The following HMCN1 variants were observed in gnomAD, a reference collection of about 807,000 sequenced individuals.
The protein encoded by HMCN1 is hemicentin-1.
Under a neutral mutation model 625.9 loss-of-function variants are expected in HMCN1, and 321 were observed. The ratio of observed to expected loss-of-function variants is 0.51; its 90% CI spans 0.47 to 0.56. The LOEUF is 0.56. Among genes scored for constraint, HMCN1 ranks in the 20% least tolerant of loss-of-function variants. The pLI is 0.00. For synonymous variants in HMCN1, 2,425 were observed against 2,417.6 expected, an observed-to-expected ratio of 1.00 and a Z score of -0.09; for missense variants, 6,588 against 6,887.3, an observed-to-expected ratio of 0.96 and a Z score of 1.54.
In HMCN1 at chr1:186,128,401, T is replaced by C. The variant is rs1037008862; in HGVS notation, c.12904+110T>C. On this transcript the variant is annotated intron_variant, in intron 83 of 106. Coordinates refer to ENST00000271588, the MANE Select transcript of HMCN1 (RefSeq NM_031935.3). ...TGAAAAGTAACAAGAATTGATTGCT[T>C]TAAATGCTGTAAAATGTGTGCCTCT... is the stretch of plus-strand genomic sequence containing the variant. 5 of 863,614 alleles carry C rather than the reference T, an allele frequency of 5.8e-6. No homozygotes were observed. The Admixed American group carries it at 7.9e-5, about 14-fold the overall frequency. 53.5% of individuals were successfully genotyped at this position (863,614 alleles called of 1,614,324 possible). A position where few individuals can be genotyped will look rare whatever the true frequency, so the allele number is the denominator to read the frequency against.
chr1:185,845,981 C>A (rs752621121), intron 1 of HMCN1, 45 bp from the exon 2 acceptor site: 5 of 1,216,406 alleles, frequency 4.1e-6, no homozygotes, highest in Admixed American at 1.7e-5. Flanking sequence ...GTCTTTAATG[C>A]CATTGATTAC....
intron 97 of HMCN1, 79 bp downstream of exon 97, chr1:186,154,066 G>A (rs2102582512): frequency 9.2e-7 from 1 of 1,086,304 alleles, no homozygotes; most frequent in Non-Finnish European, 1.4e-6. Context: ...AGGACATTGA[G>A]GCCTACATCT....
At chr1:186,163,474 A>G (rs1219410718) in intron 97 of HMCN1, among the ~76,000 whole-genome samples, 1 of 152,140 alleles carries the variant, frequency 6.6e-6, no homozygotes, top group Non-Finnish European at 1.5e-5. Flanking sequence ...TCAGATGGAA[A>G]TGAGGAAATC....
At chr1:185,968,262 T>C (rs1221653464) in intron 14 of HMCN1, among the ~76,000 whole-genome samples, 1 of 152,072 alleles carries the variant, frequency 6.6e-6, no homozygotes, top group East Asian at 1.9e-4. Flanking sequence ...ATAGAGTCAG[T>C]GGAGAAGCAA....
At chr1:185,972,707 T>C (rs1650916463) in intron 15 of HMCN1, among the ~76,000 whole-genome samples, 1 of 152,148 alleles carries the variant, frequency 6.6e-6, no homozygotes. Flanking sequence ...CTGTTAGATC[T>C]TTCTCTTTGT....
At position 186,128,418 on chromosome 1, in the gene HMCN1, T is replaced by A. The variant is rs1661755977; in HGVS notation, c.12904+127T>A. 4 of 774,036 alleles carry A rather than the reference T, an allele frequency of 5.2e-6. No homozygotes were observed. The Admixed American group carries it at 8.3e-5, about 16-fold the overall frequency. 47.9% of individuals were successfully genotyped at this position (774,036 alleles called of 1,614,324 possible). ...TGATTGCTTTAAATGCTGTAAAATG[T>A]GTGCCTCTGCTTGGATTTTACCCTC... On this transcript the variant is annotated intron_variant, in intron 83 of 106. Coordinates refer to ENST00000271588, the MANE Select transcript of HMCN1 (RefSeq NM_031935.3).
At chr1:185,855,813 T>C (rs547433955) in intron 2 of HMCN1, among the ~76,000 whole-genome samples, 30 of 152,328 alleles carry the variant, frequency 2.0e-4, no homozygotes, top group Admixed American at 3.3e-4. Context: ...GGAATTGTGG[T>C]CAGCAGTTCT....
intron 46 of HMCN1, among the ~76,000 whole-genome samples, chr1:186,057,676 G>T (rs180971739): frequency 9.7e-4 from 147 of 152,078 alleles, no homozygotes; most frequent in African/African-American, 3.4e-3. Flanking sequence ...TCATGCTACA[G>T]TGAGCATCCA....
Position 185,933,735 on chromosome 1 carries a change from G to A in HMCN1, c.1739G>A (p.Ser580Asn), listed in dbSNP as rs533744681. Residue 580 changes from serine (S) to asparagine (N), a missense_variant, in exon 11 of 107, where the codon AGT becomes AAT. Coordinates refer to ENST00000271588, the MANE Select transcript of HMCN1 (RefSeq NM_031935.3). ...TLANLSLELK[S>N]VKFNDAGEYH... ...GCTAATCTGTCATTGGAGCTAAAGA[G>A]TGTGAAATTCAACGATGCTGGAGAG... is the stretch of plus-strand genomic sequence containing the variant. 6.2e-7 allele frequency: 1 copy of A among 1,613,934 alleles called. No individual in the cohort carries two copies. The highest frequency in any genetic ancestry group is 1.7e-5 in the Admixed American group (1 of 59,998).
chr1:185,846,383 A>G (rs1661815437), intron 2 of HMCN1, among the ~76,000 whole-genome samples: 1 of 152,162 alleles, frequency 6.6e-6, no homozygotes, highest in Admixed American at 6.6e-5. Flanking sequence ...TTAAGGAAAA[A>G]GTTTGCTGAC....
intron 4 of HMCN1, among the ~76,000 whole-genome samples, chr1:185,887,718 T>C (rs1345524005): frequency 2.1e-5 from 3 of 142,386 alleles, no homozygotes; most frequent in Admixed American, 1.4e-4. Context: ...TGTTGGACAT[T>C]TGGGTTGGTT....
intron 44 of HMCN1, 117 bp from the exon 45 acceptor site, chr1:186,055,276 T>C: frequency 2.1e-6 from 2 of 946,530 alleles, no homozygotes; most frequent in South Asian, 2.9e-5. Context: ...GTCTTTTCTT[T>C]AGTTATTTAT....
At chr1:185,814,736 G>A (rs1183924155) in intron 1 of HMCN1, among the ~76,000 whole-genome samples, 1 of 148,228 alleles carries the variant, frequency 6.7e-6, no homozygotes, top group Non-Finnish European at 1.5e-5. Context: ...CTGTAGCCCA[G>A]GCTGGAGTGC....
chr1:185,850,883 C>T (rs1015014087), intron 2 of HMCN1, among the ~76,000 whole-genome samples: 5 of 151,960 alleles, frequency 3.3e-5, no homozygotes, highest in Non-Finnish European at 7.4e-5. Flanking sequence ...CTTCATTCAA[C>T]ATTAAGCATT....
chr1:186,057,313 T>G lies in HMCN1; in HGVS notation c.7224T>G (p.Cys2408Trp). The change falls in exon 46 of 107, where the codon TGT (cysteine) becomes TGG (tryptophan). Residue 2408 changes from cysteine to tryptophan, a missense_variant. By Grantham distance (215) the Cys-to-Trp change is radical (BLOSUM62 -2). Around this residue, in one of 3 missense-constraint regions of HMCN1, gnomAD observed 4,628 missense variants for 4,853.1 expected, o/e 0.95. Transcript: ENST00000271588. ...VVEKNSVSLT[C>W]EASGIPLPSI... ...AAAAGAACTCAGTATCTTTGACTTG[T>G]GAAGCTTCTGGAATTCCCCTGCCTT... 6.2e-7 allele frequency: 1 copy of G among 1,610,366 alleles called. No individual in the cohort carries two copies. Among genetic ancestry groups the G allele is most frequent in the Non-Finnish European group, 8.5e-7 (1 of 1,176,972 alleles).
chr1:185,859,019 A>ATGTGTGTGTGTGTG (rs71101981), intron 2 of HMCN1, among the ~76,000 whole-genome samples: 1 of 139,912 alleles, frequency 7.1e-6, no homozygotes, highest in Non-Finnish European at 1.5e-5. Context: ...TGGGTTAAAG[A>ATGTGTGTGTGTGTG]TGTGTGTGTG....
In HMCN1 at chr1:186,045,738, C is replaced by G; in HGVS notation, c.6355C>G (p.Gln2119Glu). The G allele has an allele frequency of 6.2e-7, 1 of 1,613,286 alleles. No homozygotes were observed. The highest frequency in any genetic ancestry group is 8.5e-7 in the Non-Finnish European group (1 of 1,179,388). ...ACAGAATGTCTCTGTCCTCATTAGC[C>G]AAGCTGTGGAATTACTATGTCAAAG... is the stretch of plus-strand genomic sequence containing the variant. Reference protein sequence around the residue: ...EEQNVSVLISQAVELLCQSDA... With the variant: ...EEQNVSVLISEAVELLCQSDA... The change falls in exon 41 of 107, where the codon CAA (glutamine) becomes GAA (glutamate). Residue 2119 changes from glutamine to glutamate, a missense_variant. Physicochemically the swap from Gln to Glu is conservative, Grantham distance 29. This residue lies in a region of HMCN1 where 4,628 missense variants were observed against 4,853.1 expected (regional missense o/e 0.95). Coordinates refer to ENST00000271588, the MANE Select transcript of HMCN1 (RefSeq NM_031935.3).
chr1:185,998,439 T>A (rs1652951986), intron 25 of HMCN1, among the ~76,000 whole-genome samples: 1 of 152,144 alleles, frequency 6.6e-6, no homozygotes, highest in African/African-American at 2.4e-5. Context: ...TTTAACAAGC[T>A]TTTCAGATAC....
At position 186,117,097 on chromosome 1, in the gene HMCN1, G is replaced by A. The variant is rs184361328; in HGVS notation, c.11665G>A (p.Val3889Met). The A allele has an allele frequency of 8.7e-5, 140 of 1,613,412 alleles. No homozygotes were observed. The highest frequency in any genetic ancestry group is 1.1e-4 in the Non-Finnish European group (133 of 1,179,480). The change falls in exon 76 of 107, where the codon GTG becomes ATG. Residue 3889 changes from valine to methionine, a missense_variant. Coordinates refer to ENST00000271588, the MANE Select transcript of HMCN1 (RefSeq NM_031935.3). ...CGGTGCTGGAGATGATAAAAGAACT[G>A]TGGATCTCACTGTCCAAGGTAGAAT... ...TNGAGDDKRTVDLTVQVPPSI... is the reference protein window; with the variant it reads ...TNGAGDDKRTMDLTVQVPPSI...
Sources: allele counts gnomAD v4.1 joint callset (sites outside exome capture counted in the v4.1 genomes callset), GRCh38; gene constraint gnomAD v4.1.1; regional missense constraint gnomAD v4.1.1; transcripts MANE v1.5; gene names NCBI Gene and HGNC (gene_info 2026-07-23, HGNC 2026-07-21).